Variants in NOVA1 observed in about 807,000 individuals in gnomAD.
NOVA1 encodes the protein RNA-binding protein Nova-1.
A neutral mutation model predicts 38.0 loss-of-function variants in NOVA1; 7 were observed. That is an observed-to-expected ratio of 0.18 (90% CI 0.10 to 0.35). NOVA1 has a LOEUF of 0.35. Among genes scored for constraint, NOVA1 ranks in the 10% least tolerant of loss-of-function variants. The pLI, the probability that NOVA1 is intolerant of heterozygous loss-of-function variation, is 1.00. For synonymous variants in NOVA1, 270 were observed against 232.5 expected (o/e 1.16, Z -1.47); for missense variants, 460 against 616.0 (o/e 0.75, Z 2.68).
intron 2 of NOVA1, among the ~76,000 whole-genome samples, chr14:26,574,831 A>T (rs549995556): frequency 4.5e-4 from 69 of 151,956 alleles, no homozygotes; most frequent in African/African-American, 1.6e-3. Flanking sequence ...AATTTAAAAA[A>T]ATTTTTTTTT....
At chr14:26,530,489 T>C (rs1176101365) in intron 2 of NOVA1, among the ~76,000 whole-genome samples, 1 of 152,168 alleles carries the variant, frequency 6.6e-6, no homozygotes, top group Non-Finnish European at 1.5e-5. Flanking sequence ...TATATATCAG[T>C]ATAAATGTAT....
intron 2 of NOVA1, among the ~76,000 whole-genome samples, chr14:26,519,037 G>A (rs1193889047): frequency 6.6e-6 from 1 of 151,946 alleles, no homozygotes; most frequent in Non-Finnish European, 1.5e-5. Context: ...ATTTTGTACT[G>A]GATAAATTAA....
intron 2 of NOVA1, among the ~76,000 whole-genome samples, chr14:26,503,620 A>AT (rs71419898): frequency 2.0e-5 from 3 of 151,124 alleles, no homozygotes; most frequent in African/African-American, 7.3e-5. Flanking sequence ...CCCAGTAATC[A>AT]TTTTTTTTTA....
At chr14:26,479,943 A>C in intron 3 of NOVA1, 34 bp downstream of exon 3, 2 of 1,608,132 alleles carry the variant, frequency 1.2e-6, no homozygotes, top group Non-Finnish European at 1.7e-6. Context: ...TATGCTGTGG[A>C]TATTTCTCTT....
intron 2 of NOVA1, among the ~76,000 whole-genome samples, chr14:26,494,687 T>C (rs1886624616): frequency 6.6e-6 from 1 of 152,202 alleles, no homozygotes; most frequent in African/African-American, 2.4e-5. Flanking sequence ...TTAGTCCCCA[T>C]GGTTGTAAAT....
intron 2 of NOVA1, among the ~76,000 whole-genome samples, chr14:26,561,373 T>C (rs1327918947): frequency 6.6e-6 from 1 of 152,276 alleles, no homozygotes; most frequent in Admixed American, 6.5e-5. Context: ...TTGAACTCTC[T>C]TGATTTTGAA....
At chr14:26,589,236 G>A (rs1171195983) in intron 2 of NOVA1, among the ~76,000 whole-genome samples, 8 of 151,552 alleles carry the variant, frequency 5.3e-5, no homozygotes, top group Non-Finnish European at 1.0e-4. Context: ...TCTATTTAAG[G>A]GCTGATTAAT....
chr14:26,496,120 C>A (rs375373300), intron 2 of NOVA1, among the ~76,000 whole-genome samples: 3,203 of 145,902 alleles, frequency 0.022, 108 homozygotes, highest in African/African-American at 0.076. Context: ...CCAACAGTGT[C>A]AAAGTGTTCC....
chr14:26,489,482 C>G (rs913324622), intron 2 of NOVA1, among the ~76,000 whole-genome samples: 1 of 151,202 alleles, frequency 6.6e-6, no homozygotes, highest in Admixed American at 6.6e-5. Context: ...GAAATTTAAG[C>G]GTATATGTAA....
intron 2 of NOVA1, among the ~76,000 whole-genome samples, chr14:26,548,645 G>A (rs1890973438): frequency 6.6e-6 from 1 of 151,818 alleles, no homozygotes; most frequent in Admixed American, 6.6e-5. Flanking sequence ...ATTTTATAAG[G>A]CATAAACATG....
At chr14:26,458,653 C>A (rs1188244042) in intron 4 of NOVA1, among the ~76,000 whole-genome samples, 1 of 151,966 alleles carries the variant, frequency 6.6e-6, no homozygotes, top group Non-Finnish European at 1.5e-5. Flanking sequence ...ACAATAGACA[C>A]TGGGACTCCC....
intron 2 of NOVA1, among the ~76,000 whole-genome samples, chr14:26,509,373 T>C (rs1014112866): frequency 1.3e-5 from 2 of 151,766 alleles, no homozygotes; most frequent in African/African-American, 4.8e-5. Flanking sequence ...AAAATGAGAG[T>C]AGTGGTAGTG....
intron 2 of NOVA1, among the ~76,000 whole-genome samples, chr14:26,515,498 A>G (rs1888398642): frequency 6.6e-6 from 1 of 152,016 alleles, no homozygotes; most frequent in African/African-American, 2.4e-5. Flanking sequence ...TGTTCATAAT[A>G]TATGCAAACA....
intron 4 of NOVA1, among the ~76,000 whole-genome samples, chr14:26,469,716 G>A (rs1313865607): frequency 6.6e-6 from 1 of 152,060 alleles, no homozygotes; most frequent in Non-Finnish European, 1.5e-5. Context: ...CAGCCTCCAG[G>A]TAGCTAGGAT....
At chr14:26,486,696 CAAAAAAAA>C (rs59078775) in intron 2 of NOVA1, among the ~76,000 whole-genome samples, 7 of 23,106 alleles carry the variant, frequency 3.0e-4, no homozygotes, top group Non-Finnish European at 4.2e-4. Context: ...GTGACAGACT[CAAAAAAAA>C]AAAAAAAAAA....
intron 2 of NOVA1, among the ~76,000 whole-genome samples, chr14:26,554,223 C>T (rs1230750360): frequency 6.6e-6 from 1 of 150,616 alleles, no homozygotes; most frequent in South Asian, 2.1e-4. Context: ...GAGGACTAGT[C>T]AGTGTGAGGC....
chr14:26,569,267 C>T (rs1054856564), intron 2 of NOVA1, among the ~76,000 whole-genome samples: 1 of 152,106 alleles, frequency 6.6e-6, no homozygotes, highest in African/African-American at 2.4e-5. Context: ...GGTCAAACAG[C>T]ACTTCTAGAT....
In NOVA1 at chr14:26,479,970, C is replaced by A. The variant is rs2138293027; in HGVS notation, c.447+7G>T. On this transcript the variant is annotated splice_region_variant and intron_variant, in intron 3 of 4. Coordinates refer to ENST00000539517, the MANE Select transcript of NOVA1 (RefSeq NM_002515.3). ...ATTTCTCTTTGATTTCTCAACTAAACACTCACTTGTTTGATGCGATCTGGA... is the reference window on the plus strand; with the variant it reads ...ATTTCTCTTTGATTTCTCAACTAAAAACTCACTTGTTTGATGCGATCTGGA... 1 of 1,612,640 alleles carries A rather than the reference C, an allele frequency of 6.2e-7. No individual in the cohort carries two copies. The highest frequency in any genetic ancestry group is 8.5e-7 in the Non-Finnish European group (1 of 1,179,224).
chr14:26,577,493 A>G (rs573101469), intron 2 of NOVA1, among the ~76,000 whole-genome samples: 2 of 152,136 alleles, frequency 1.3e-5, no homozygotes, highest in Admixed American at 6.5e-5. Flanking sequence ...ACAGCCAACC[A>G]TATCTTTATG....
Sources: gnomAD v4.1 joint callset for allele counts (sites outside exome capture counted in the v4.1 genomes callset) on GRCh38, gnomAD v4.1.1 for gene constraint, MANE v1.5 for transcripts, NCBI Gene and HGNC (gene_info 2026-07-23, HGNC 2026-07-21) for gene names.